The following TMCC1 variants were observed in gnomAD, a reference collection of about 807,000 sequenced individuals.
TMCC1 encodes transmembrane and coiled-coil domains protein 1.
TMCC1 carries 15 observed loss-of-function variants against 52.4 expected under a neutral mutation model. The observed-to-expected ratio is 0.29, with a 90% confidence interval of 0.19 to 0.44. The LOEUF (loss-of-function observed/expected upper bound fraction) is 0.44, where lower values mean the gene tolerates loss of function less well. Ranked by LOEUF, TMCC1 falls within the 20% of genes least tolerant of loss-of-function variation. The pLI is 1.00. For synonymous variants in TMCC1, 279 were observed against 301.9 expected, an observed-to-expected ratio of 0.92 and a Z score of 0.79; for missense variants, 503 against 806.0, an observed-to-expected ratio of 0.62 and a Z score of 4.55.
intron 4 of TMCC1, among the ~76,000 whole-genome samples, chr3:129,810,248 C>A (rs1010538614): frequency 1.3e-5 from 2 of 152,088 alleles, no homozygotes; most frequent in African/African-American, 4.8e-5. Context: ...GTCCCAGCTA[C>A]TAGGGAGGCT....
rs116522604 is a variant in TMCC1 at position 129,807,958 on chromosome 3, A to G, written c.576+19845T>C. Among the ~76,000 whole-genome samples, 1,505 of 152,292 alleles carry G rather than the reference A, an allele frequency of 9.9e-3. 26 individuals are homozygous for G. The highest frequency in any genetic ancestry group is 0.035 in the African/African-American group (1,437 of 41,552). On this transcript the variant is annotated intron_variant, in intron 4 of 6. Coordinates refer to ENST00000393238, the MANE Select transcript of TMCC1 (RefSeq NM_001017395.5). ...AGTCCCAGAACAAAAGATGTGCAAC[A>G]CTCTTGGAGAGTAGTCAATTCAGAC...
chr3:129,801,454 TTTTG>T (rs932977877), intron 4 of TMCC1, among the ~76,000 whole-genome samples: 6 of 151,986 alleles, frequency 3.9e-5, no homozygotes, highest in Admixed American at 6.6e-5. Context: ...CCTGTTTTTG[TTTTG>T]TTTGTTTGTT....
intron 4 of TMCC1, among the ~76,000 whole-genome samples, chr3:129,676,517 A>C (rs1015440565): frequency 1.3e-5 from 2 of 152,186 alleles, no homozygotes; most frequent in African/African-American, 4.8e-5. Context: ...ACCCAAGAGA[A>C]AATCTAAACA....
intron 4 of TMCC1, among the ~76,000 whole-genome samples, chr3:129,693,914 G>A (rs780140431): frequency 6.6e-6 from 1 of 152,128 alleles, no homozygotes; most frequent in Non-Finnish European, 1.5e-5. Flanking sequence ...TTTTGTAACT[G>A]TATATACTGG....
intron 4 of TMCC1, among the ~76,000 whole-genome samples, chr3:129,727,301 G>A (rs2050184047): frequency 6.6e-6 from 1 of 152,086 alleles, no homozygotes; most frequent in Admixed American, 6.5e-5. Context: ...CATGATCAAT[G>A]AAGGTTCCTT....
At chr3:129,827,295 A>G (rs1409461510) in intron 4 of TMCC1, among the ~76,000 whole-genome samples, 1 of 152,236 alleles carries the variant, frequency 6.6e-6, no homozygotes, top group African/African-American at 2.4e-5. Context: ...ATAGTACACT[A>G]TAATAATGTA....
chr3:129,872,364 T>C (rs1380605452), intron 2 of TMCC1, among the ~76,000 whole-genome samples: 1 of 151,868 alleles, frequency 6.6e-6, no homozygotes, highest in Non-Finnish European at 1.5e-5. Flanking sequence ...GCATCAGCAT[T>C]ACATGGGAGC....
At chr3:129,874,678 A>G (rs2061104850) in intron 2 of TMCC1, among the ~76,000 whole-genome samples, 1 of 151,962 alleles carries the variant, frequency 6.6e-6, no homozygotes, top group African/African-American at 2.4e-5. Context: ...GCAACATAGC[A>G]AGACCCCATC....
chr3:129,859,656 AC>A, intron 2 of TMCC1, among the ~76,000 whole-genome samples: 1 of 414 alleles, frequency 2.4e-3, no homozygotes, highest in Non-Finnish European at 0.011. Flanking sequence ...ACACATACAC[AC>A]ACACACACAC....
At chr3:129,869,135 C>T (rs573279659) in intron 2 of TMCC1, 1 of 151,928 alleles carries the variant, frequency 6.6e-6, no homozygotes, top group East Asian at 1.9e-4. Flanking sequence ...ACCAACCAAG[C>T]GATTAGAGTA....
chr3:129,704,416 T>A (rs1290517040), intron 4 of TMCC1, among the ~76,000 whole-genome samples: 1 of 152,114 alleles, frequency 6.6e-6, no homozygotes, highest in Admixed American at 6.5e-5. Context: ...GGGAAGAGCA[T>A]TTTTTATTTG....
intron 5 of TMCC1, among the ~76,000 whole-genome samples, chr3:129,663,335 A>T (rs1425879813): frequency 6.6e-6 from 1 of 152,204 alleles, no homozygotes; most frequent in African/African-American, 2.4e-5. Flanking sequence ...AACAGGAAGA[A>T]CTAGGTCCCA....
At chr3:129,818,583 C>T (rs1217023469) in intron 4 of TMCC1, among the ~76,000 whole-genome samples, 1 of 45,368 alleles carries the variant, frequency 2.2e-5, no homozygotes, top group African/African-American at 1.2e-4. Context: ...TTTAAAGAAA[C>T]TTTTAAAGAA....
At chr3:129,793,635 A>G (rs1424209574) in intron 4 of TMCC1, among the ~76,000 whole-genome samples, 1 of 152,192 alleles carries the variant, frequency 6.6e-6, no homozygotes, top group Non-Finnish European at 1.5e-5. Flanking sequence ...AGGGCTGGCT[A>G]CAGGCAGAGT....
At chr3:129,873,411 G>T (rs189626345) in intron 2 of TMCC1, among the ~76,000 whole-genome samples, 58 of 151,914 alleles carry the variant, frequency 3.8e-4, no homozygotes, top group South Asian at 1.2e-3. Flanking sequence ...GCCAGGTGTG[G>T]TGACTCACAC....
At chr3:129,692,754 G>A (rs1183091015) in intron 4 of TMCC1, among the ~76,000 whole-genome samples, 1 of 152,192 alleles carries the variant, frequency 6.6e-6, no homozygotes. Context: ...TAAGGTGTAA[G>A]TCTTTTTGTT....
intron 4 of TMCC1, among the ~76,000 whole-genome samples, chr3:129,758,079 G>C (rs929547601): frequency 6.6e-6 from 1 of 152,212 alleles, no homozygotes; most frequent in Non-Finnish European, 1.5e-5. Flanking sequence ...GCTGGAAACT[G>C]TAAGACTGAA....
intron 4 of TMCC1, among the ~76,000 whole-genome samples, chr3:129,802,750 C>G (rs1337780121): frequency 6.6e-6 from 1 of 152,202 alleles, no homozygotes; most frequent in Non-Finnish European, 1.5e-5. Context: ...CATGGCATAG[C>G]ATAGAGCAAC....
At chr3:129,871,062 T>C (rs1281167153) in intron 2 of TMCC1, among the ~76,000 whole-genome samples, 1 of 152,014 alleles carries the variant, frequency 6.6e-6, no homozygotes, top group East Asian at 1.9e-4. Flanking sequence ...AATTTCTGTT[T>C]AAGAGTAGGA....
Sources: allele counts gnomAD v4.1 joint callset (sites outside exome capture counted in the v4.1 genomes callset), GRCh38; gene constraint gnomAD v4.1.1; transcripts MANE v1.5; gene names NCBI Gene and HGNC (gene_info 2026-07-23, HGNC 2026-07-21).